ATRNL1: variants seen among roughly 807,000 people sequenced by gnomAD.
ATRNL1 encodes the protein attractin-like protein 1.
A neutral mutation model predicts 182.7 loss-of-function variants in ATRNL1; 95 were observed. The ratio of observed to expected loss-of-function variants is 0.52; its 90% CI spans 0.44 to 0.62. The LOEUF is 0.62. ATRNL1 is among the 20% of genes least tolerant of loss of function. The probability of loss-of-function intolerance (pLI) is 0.00; values close to 1 mark genes in which losing one functional copy is unlikely to be tolerated. For synonymous variants in ATRNL1, 576 were observed against 568.3 expected (o/e 1.01, Z -0.19); for missense variants, 1,471 against 1,679.5 (o/e 0.88, Z 2.17).
At chr10:115,188,599 G>A (rs562183211) in intron 8 of ATRNL1, among the ~76,000 whole-genome samples, 2 of 152,220 alleles carry the variant, frequency 1.3e-5, no homozygotes, top group East Asian at 1.9e-4. Context: ...TGGAGGTGTA[G>A]TTGGGAAGCC....
intron 10 of ATRNL1, among the ~76,000 whole-genome samples, chr10:115,256,426 G>A (rs1188163491): frequency 2.6e-5 from 4 of 152,278 alleles, no homozygotes; most frequent in South Asian, 4.1e-4. Context: ...TATTTGCATA[G>A]AGGTGTTTAT....
chr10:115,504,557 G>A (rs1850011318), intron 24 of ATRNL1, among the ~76,000 whole-genome samples: 1 of 151,986 alleles, frequency 6.6e-6, no homozygotes, highest in Admixed American at 6.6e-5. Flanking sequence ...TGGGTTTAAA[G>A]TTTATAGCCA....
intron 8 of ATRNL1, among the ~76,000 whole-genome samples, chr10:115,205,327 T>C (rs548882621): frequency 6.6e-6 from 1 of 151,960 alleles, no homozygotes; most frequent in Non-Finnish European, 1.5e-5. Flanking sequence ...AATTGACAGT[T>C]TTAGACGATT....
At chr10:115,655,050 G>A (rs1217141329) in intron 26 of ATRNL1, among the ~76,000 whole-genome samples, 1 of 152,140 alleles carries the variant, frequency 6.6e-6, no homozygotes, top group African/African-American at 2.4e-5. Context: ...AGAGAAAGAT[G>A]GAGAGAGACC....
chr10:115,228,600 ATTG>A (rs1433306827), intron 9 of ATRNL1, among the ~76,000 whole-genome samples: 1 of 152,088 alleles, frequency 6.6e-6, no homozygotes, highest in African/African-American at 2.4e-5. Context: ...CTTTTCTTCA[ATTG>A]TTGTATTCCT....
Position 115,833,422 on chromosome 10 carries a change from G to A in ATRNL1, c.3904-14455G>A, listed in dbSNP as rs189498346. Among the ~76,000 whole-genome samples the A allele has an allele frequency of 2.6e-5, 4 of 152,272 alleles. No individual in the cohort carries two copies. The East Asian group carries it at 7.7e-4, about 29-fold the overall frequency. On this transcript the variant is annotated intron_variant, in intron 27 of 28. Coordinates refer to ENST00000355044, the MANE Select transcript of ATRNL1 (RefSeq NM_207303.4). ...CTGCAAGAGTTTCCTCAAAGGCTGTGTCACACCAGGGCCACATATAAGCTC... is the reference window on the plus strand; with the variant it reads ...CTGCAAGAGTTTCCTCAAAGGCTGTATCACACCAGGGCCACATATAAGCTC...
At chr10:115,941,938 T>C (rs1473924058) in intron 28 of ATRNL1, among the ~76,000 whole-genome samples, 1 of 152,214 alleles carries the variant, frequency 6.6e-6, no homozygotes, top group African/African-American at 2.4e-5. Context: ...AAAACAGCTT[T>C]TATGTAAACT....
chr10:115,525,932 G>T (rs1318383705), intron 25 of ATRNL1, among the ~76,000 whole-genome samples: 1 of 152,048 alleles, frequency 6.6e-6, no homozygotes, highest in African/African-American at 2.4e-5. Context: ...CGTATCAATT[G>T]TGTAATCCAT....
intron 27 of ATRNL1, among the ~76,000 whole-genome samples, chr10:115,809,499 G>A (rs1949998679): frequency 1.3e-5 from 2 of 151,908 alleles, no homozygotes; most frequent in Admixed American, 1.3e-4. Context: ...ACTTCTGTCA[G>A]TAATGGATTT....
At chr10:115,727,395 C>T (rs1947633110) in intron 27 of ATRNL1, 40 bp downstream of exon 27, 2 of 1,452,208 alleles carry the variant, frequency 1.4e-6, no homozygotes, top group Non-Finnish European at 1.9e-6. Flanking sequence ...CTGTGCTTTG[C>T]ATATTTATTA....
In ATRNL1 at chr10:115,496,128, A is replaced by G. The variant is rs139422593; in HGVS notation, c.3655-23135A>G. Among the ~76,000 whole-genome samples the G allele has an allele frequency of 2.5e-3, 384 of 152,326 alleles. 1 individual carries two copies. The highest frequency in any genetic ancestry group is 8.6e-3 in the African/African-American group (359 of 41,574). The stretch of plus-strand genomic sequence containing the variant: ...CTTAGTGTTTGTTTTGTCTGCAACT[A>G]TAATAGCAACCCTTGCTGTTTTCTG... On this transcript the variant is annotated intron_variant, in intron 24 of 28. Coordinates refer to ENST00000355044, the MANE Select transcript of ATRNL1 (RefSeq NM_207303.4).
At chr10:115,539,267 GGAA>G (rs782351737) in intron 25 of ATRNL1, among the ~76,000 whole-genome samples, 106,067 of 151,724 alleles carry the variant, frequency 0.7, 38,175 homozygotes, top group African/African-American at 0.79. Flanking sequence ...TTGTTATAAA[GGAA>G]AAACCTTTCC....
At chr10:115,442,594 T>A (rs972456658) in intron 21 of ATRNL1, among the ~76,000 whole-genome samples, 3 of 152,042 alleles carry the variant, frequency 2.0e-5, no homozygotes, top group Non-Finnish European at 4.4e-5. Flanking sequence ...ATAGACAATA[T>A]GTAAATGATT....
chr10:115,464,834 A>T (rs933044713), intron 22 of ATRNL1, among the ~76,000 whole-genome samples: 6 of 141,396 alleles, frequency 4.2e-5, no homozygotes, highest in Non-Finnish European at 9.4e-5. Flanking sequence ...GATCCGTTTC[A>T]TTAATAGTAA....
chr10:115,330,714 C>G (rs1379208757), intron 18 of ATRNL1, among the ~76,000 whole-genome samples: 1 of 116,532 alleles, frequency 8.6e-6, no homozygotes, highest in Non-Finnish European at 1.7e-5. Context: ...TCAGTGTTCT[C>G]TGTCTTTGAC....
chr10:115,457,492 C>T (rs1847582818), intron 21 of ATRNL1, among the ~76,000 whole-genome samples: 1 of 151,948 alleles, frequency 6.6e-6, no homozygotes, highest in African/African-American at 2.4e-5. Flanking sequence ...TGTCCCTGTC[C>T]ACCTAGGAAT....
At chr10:115,881,056 G>A (rs1951816219) in intron 28 of ATRNL1, among the ~76,000 whole-genome samples, 1 of 152,132 alleles carries the variant, frequency 6.6e-6, no homozygotes, top group Non-Finnish European at 1.5e-5. Context: ...GCTGTCCTGG[G>A]GCCTGTGCCC....
intron 26 of ATRNL1, among the ~76,000 whole-genome samples, chr10:115,657,538 A>C (rs1860403366): frequency 1.3e-5 from 2 of 152,148 alleles, no homozygotes; most frequent in African/African-American, 4.8e-5. Flanking sequence ...ATAGTTAGGG[A>C]TTGGATTTAG....
At chr10:115,217,456 A>G (rs958370827) in intron 9 of ATRNL1, among the ~76,000 whole-genome samples, 13 of 152,150 alleles carry the variant, frequency 8.5e-5, no homozygotes, top group Non-Finnish European at 1.3e-4. Context: ...AGGAGGCAGT[A>G]TAGTTCACAG....
Sources: gnomAD v4.1 joint callset for allele counts (sites outside exome capture counted in the v4.1 genomes callset) on GRCh38, gnomAD v4.1.1 for gene constraint, MANE v1.5 for transcripts, NCBI Gene and HGNC (gene_info 2026-07-23, HGNC 2026-07-21) for gene names.